The following VTA1 variants were observed in gnomAD, a reference collection of about 807,000 sequenced individuals.
VTA1 encodes vacuolar protein sorting-associated protein VTA1 homolog.
In VTA1, 24 loss-of-function variants were observed where a neutral mutation model predicts 36.9. The observed-to-expected ratio is 0.65, with a 90% CI of 0.47 to 0.91. The LOEUF (loss-of-function observed/expected upper bound fraction) is 0.91, where lower values mean the gene tolerates loss of function less well. Among genes scored for constraint, VTA1 ranks in the 40% least tolerant of loss-of-function variants. The probability of loss-of-function intolerance (pLI) is 0.00; values close to 1 mark genes in which losing one functional copy is unlikely to be tolerated. For missense variants in VTA1, 393 were observed against 377.2 expected (o/e 1.04, Z -0.35); for synonymous variants, 142 against 130.2 (o/e 1.09, Z -0.62).
intron 7 of VTA1, among the ~76,000 whole-genome samples, chr6:142,206,014 T>C (rs1027627746): frequency 6.6e-5 from 10 of 152,140 alleles, no homozygotes; most frequent in Admixed American, 5.9e-4. Context: ...GAATGAAATA[T>C]AAATATCAAC....
intron 4 of VTA1, among the ~76,000 whole-genome samples, chr6:142,175,212 T>C (rs181728576): frequency 5.3e-5 from 8 of 152,274 alleles, no homozygotes; most frequent in Non-Finnish European, 8.8e-5. Flanking sequence ...GAGCTTTTTT[T>C]CCCTGCAGTT....
chr6:142,158,142 T>C (rs963503724), intron 1 of VTA1, among the ~76,000 whole-genome samples: 1 of 150,884 alleles, frequency 6.6e-6, no homozygotes, highest in African/African-American at 2.4e-5. Context: ...GTTAAAGATA[T>C]ATGGAGTTAC....
At chr6:142,147,498 T>G in intron 1 of VTA1, 99 bp downstream of exon 1, 3 of 1,273,044 alleles carry the variant, frequency 2.4e-6, no homozygotes, top group African/African-American at 1.5e-5. Context: ...CCCCCCTCGC[T>G]TTAAACCTGA....
intron 6 of VTA1, among the ~76,000 whole-genome samples, chr6:142,201,562 C>T (rs745661058): frequency 1.4e-4 from 21 of 151,782 alleles, no homozygotes; most frequent in Non-Finnish European, 3.1e-4. Context: ...TTTTATAGTT[C>T]ATATTACAGG....
At position 142,200,745 on chromosome 6, in the gene VTA1, A is replaced by C. The variant is rs183815592; in HGVS notation, c.697+2130A>C. Among the ~76,000 whole-genome samples, 39 of 152,092 alleles carry C rather than the reference A, an allele frequency of 2.6e-4. 1 individual carries two copies. The East Asian group carries it at 6.7e-3, about 26-fold the overall frequency. On this transcript the variant is annotated intron_variant, in intron 6 of 7. Coordinates refer to ENST00000367630, the MANE Select transcript of VTA1 (RefSeq NM_016485.5). ...TGTCATAAACAGTTCAATTTGATCT[A>C]GTTAACTCTAGCATGAGCCTCTTGT...
At chr6:142,169,473 T>C in intron 2 of VTA1, 77 bp from the exon 3 acceptor site, 1 of 1,401,036 alleles carries the variant, frequency 7.1e-7, no homozygotes, top group Non-Finnish European at 9.7e-7. Context: ...CTTAAAATGA[T>C]TATTAGAATT....
chr6:142,214,508 A>G (rs1475257324), intron 7 of VTA1, among the ~76,000 whole-genome samples: 1 of 152,140 alleles, frequency 6.6e-6, no homozygotes, highest in Non-Finnish European at 1.5e-5. Context: ...AGCAAGGGGG[A>G]CATCCATCCC....
chr6:142,152,844 A>G (rs1011940793), intron 1 of VTA1, among the ~76,000 whole-genome samples: 3 of 152,058 alleles, frequency 2.0e-5, no homozygotes, highest in Admixed American at 6.6e-5. Context: ...TTTTTGTGAG[A>G]AAAAAATTCA....
At chr6:142,166,113 T>A (rs191549526) in intron 1 of VTA1, 115 bp from the exon 2 acceptor site, 227 of 671,264 alleles carry the variant, frequency 3.4e-4, no homozygotes, top group Admixed American at 9.8e-4. Flanking sequence ...TAAATCAGTT[T>A]TATTTCTAAA....
At chr6:142,213,999 G>A (rs1003386035) in intron 7 of VTA1, among the ~76,000 whole-genome samples, 2 of 150,740 alleles carry the variant, frequency 1.3e-5, no homozygotes, top group East Asian at 2.0e-4. Flanking sequence ...AGAAAACAGG[G>A]TTTTTTTTTT....
chr6:142,159,477 GGTA>G (rs1050772361), intron 1 of VTA1, among the ~76,000 whole-genome samples: 5 of 133,738 alleles, frequency 3.7e-5, no homozygotes, highest in African/African-American at 1.4e-4. Context: ...TTTCATTTCA[GGTA>G]TTATTATTAT....
intron 1 of VTA1, among the ~76,000 whole-genome samples, chr6:142,147,603 C>T (rs977990968): frequency 1.4e-4 from 21 of 152,212 alleles, no homozygotes; most frequent in African/African-American, 5.1e-4. Flanking sequence ...CTTCTCCTAT[C>T]TTGTGCTTAA....
chr6:142,179,513 G>A (rs1304461592), intron 4 of VTA1, among the ~76,000 whole-genome samples: 1 of 151,982 alleles, frequency 6.6e-6, no homozygotes, highest in Non-Finnish European at 1.5e-5. Context: ...TGGGGTATTA[G>A]ATACAAAAAG....
chr6:142,198,443 T>G lies in VTA1; in HGVS notation c.525T>G (p.Ile175Met). 6.2e-7 allele frequency: 1 copy of G among 1,613,920 alleles called. No individual in the cohort carries two copies. The highest frequency in any genetic ancestry group is 8.5e-7 in the Non-Finnish European group (1 of 1,179,862). ...TGTGTATATGTGATCTGATAGATAT[T>G]GAAGAAAATGAAGATGCTGGAGCAG... ...GPVGIEEDND[I>M]EENEDAGAAS... is the part of the protein sequence containing the mutation. Residue 175 changes from isoleucine to methionine, a missense_variant, in exon 6 of 8, where the codon ATT becomes ATG. By Grantham distance (10) the Ile-to-Met change is conservative. Transcript: ENST00000367630.
At chr6:142,151,893 A>ATGTGGTGG (rs1397233565) in intron 1 of VTA1, among the ~76,000 whole-genome samples, 5 of 152,046 alleles carry the variant, frequency 3.3e-5, no homozygotes, top group African/African-American at 9.7e-5. Context: ...AATTAGCTGG[A>ATGTGGTGG]TGTGGTGGCA....
chr6:142,168,277 T>A (rs898517541), intron 2 of VTA1, among the ~76,000 whole-genome samples: 1 of 152,126 alleles, frequency 6.6e-6, no homozygotes, highest in African/African-American at 2.4e-5. Context: ...TTTTTTTTTC[T>A]TTTTTCTGTT....
At chr6:142,179,020 G>C (rs1775175808) in intron 4 of VTA1, among the ~76,000 whole-genome samples, 1 of 152,000 alleles carries the variant, frequency 6.6e-6, no homozygotes, top group African/African-American at 2.4e-5. Context: ...TAATGGGTCA[G>C]TTCATCAAGA....
At chr6:142,213,538 C>T (rs1377719045) in intron 7 of VTA1, among the ~76,000 whole-genome samples, 6 of 152,158 alleles carry the variant, frequency 3.9e-5, no homozygotes, top group African/African-American at 1.4e-4. Context: ...GGGGCTCCAA[C>T]CCCCCATATC....
intron 4 of VTA1, among the ~76,000 whole-genome samples, chr6:142,175,855 G>GT (rs1311186543): frequency 6.7e-6 from 1 of 149,884 alleles, no homozygotes; most frequent in Non-Finnish European, 1.5e-5. Context: ...CAACATTTTT[G>GT]TTTTTTTATT....
Sources: gnomAD v4.1 joint callset for allele counts (sites outside exome capture counted in the v4.1 genomes callset) on GRCh38, gnomAD v4.1.1 for gene constraint, MANE v1.5 for transcripts, NCBI Gene and HGNC (gene_info 2026-07-23, HGNC 2026-07-21) for gene names.